The following NME7 variants were observed in gnomAD, a reference collection of about 807,000 sequenced individuals.
The protein encoded by NME7 is nucleoside diphosphate kinase 7.
Under a neutral mutation model 49.1 loss-of-function variants are expected in NME7, and 41 were observed. That is an observed-to-expected ratio of 0.83 (90% CI 0.65 to 1.08). NME7 has a LOEUF of 1.08. NME7 is among the 50% of genes least tolerant of loss of function. The pLI is 0.00. For synonymous variants in NME7, 139 were observed against 150.6 expected, an observed-to-expected ratio of 0.92 and a Z score of 0.56; for missense variants, 423 against 463.4, an observed-to-expected ratio of 0.91 and a Z score of 0.80.
intron 1 of NME7, among the ~76,000 whole-genome samples, chr1:169,337,041 T>C (rs1050733395): frequency 1.2e-4 from 19 of 152,196 alleles, no homozygotes; most frequent in Non-Finnish European, 2.2e-4. Flanking sequence ...GGGCTGCAGG[T>C]GGAGCTGCCT....
At chr1:169,278,943 G>C (rs1394952234) in intron 7 of NME7, among the ~76,000 whole-genome samples, 1 of 152,142 alleles carries the variant, frequency 6.6e-6, no homozygotes, top group Non-Finnish European at 1.5e-5. Flanking sequence ...GTTTGCTAGA[G>C]GTCCACTCCA....
At chr1:169,230,694 A>G (rs777332833) in intron 10 of NME7, 24 bp downstream of exon 10, 1 of 1,513,110 alleles carries the variant, frequency 6.6e-7, no homozygotes. Flanking sequence ...ACAAACTAGG[A>G]TAATATTTTA....
intron 10 of NME7, among the ~76,000 whole-genome samples, chr1:169,218,010 G>A (rs1661019705): frequency 6.6e-6 from 1 of 152,012 alleles, no homozygotes; most frequent in Non-Finnish European, 1.5e-5. Flanking sequence ...TAAGTTTTGG[G>A]ATATAGAGGA....
chr1:169,191,987 C>T (rs1660243363), intron 10 of NME7, among the ~76,000 whole-genome samples: 2 of 152,112 alleles, frequency 1.3e-5, no homozygotes, highest in Non-Finnish European at 1.5e-5. Context: ...TCACAATTTT[C>T]AATTCAACAA....
intron 11 of NME7, among the ~76,000 whole-genome samples, chr1:169,136,575 A>G (rs1229634814): frequency 6.6e-6 from 1 of 152,204 alleles, no homozygotes; most frequent in African/African-American, 2.4e-5. Flanking sequence ...TTGTACTTCT[A>G]AACGTCTTAC....
intron 7 of NME7, chr1:169,284,813 C>T (rs1650207326): frequency 6.6e-6 from 1 of 151,978 alleles, no homozygotes; most frequent in Non-Finnish European, 1.5e-5. Context: ...GCTATCAGTT[C>T]TCCCAGCTAT....
intron 9 of NME7, among the ~76,000 whole-genome samples, chr1:169,233,151 T>C (rs541102718): frequency 5.2e-4 from 79 of 152,086 alleles, no homozygotes; most frequent in African/African-American, 1.7e-3. Flanking sequence ...GTTGGGTTTA[T>C]AGCATATATA....
chr1:169,132,547 C>G lies in NME7; in HGVS notation c.*238G>C. Reference sequence around the variant, plus strand: ...CAAAGTCACTTGTTTGAAAATAAATCTTTATTTTGAACTTTATAAAAAGCA... The same window carrying G: ...CAAAGTCACTTGTTTGAAAATAAATGTTTATTTTGAACTTTATAAAAAGCA... On this transcript the variant is annotated 3_prime_UTR_variant, in exon 12 of 12. Transcript: ENST00000367811. 2.3e-6 allele frequency: 1 copy of G among 430,518 alleles called. No homozygotes were observed. The highest frequency in any genetic ancestry group is 7.8e-5 in the South Asian group (1 of 12,794). The allele number at this position is 430,518 out of a possible 1,614,324, so 26.7% of individuals were successfully genotyped here.
intron 6 of NME7, among the ~76,000 whole-genome samples, chr1:169,292,901 T>C (rs992523612): frequency 2.6e-5 from 4 of 152,160 alleles, no homozygotes; most frequent in African/African-American, 9.6e-5. Context: ...GATCTTTTGC[T>C]GATTCTATTA....
At chr1:169,164,582 C>T (rs543432943) in intron 11 of NME7, among the ~76,000 whole-genome samples, 1 of 152,248 alleles carries the variant, frequency 6.6e-6, no homozygotes, top group South Asian at 2.1e-4. Flanking sequence ...TTGGCTACAC[C>T]ACTATAGTAT....
chr1:169,198,674 A>G (rs1660458589), intron 10 of NME7, among the ~76,000 whole-genome samples: 1 of 152,174 alleles, frequency 6.6e-6, no homozygotes, highest in Non-Finnish European at 1.5e-5. Context: ...CTATAGAGAT[A>G]GAAAGTAGAT....
At chr1:169,281,409 T>C (rs1650007046) in intron 7 of NME7, among the ~76,000 whole-genome samples, 1 of 152,238 alleles carries the variant, frequency 6.6e-6, no homozygotes, top group African/African-American at 2.4e-5. Flanking sequence ...CAGAGACAAT[T>C]TGACTTCTTC....
At chr1:169,298,002 C>T (rs542839967) in intron 6 of NME7, among the ~76,000 whole-genome samples, 2 of 152,114 alleles carry the variant, frequency 1.3e-5, no homozygotes, top group Non-Finnish European at 2.9e-5. Context: ...TTAAAAACTA[C>T]CTTAAGTGAG....
In NME7 at chr1:169,235,208, A is replaced by C; in HGVS notation, c.820-9T>G. On this transcript the variant is annotated splice_polypyrimidine_tract_variant and intron_variant, in intron 8 of 11. Coordinates refer to ENST00000367811, the MANE Select transcript of NME7 (RefSeq NM_013330.5). Reference sequence around the variant, plus strand: ...ACCCGATCCATATTGAACTATATTAAAAAATAAAACAAAACAAAACCATAA... The same window carrying C: ...ACCCGATCCATATTGAACTATATTACAAAATAAAACAAAACAAAACCATAA... 6.7e-7 allele frequency: 1 copy of C among 1,481,852 alleles called. No individual in the cohort carries two copies. Among genetic ancestry groups the C allele is most frequent in the Non-Finnish European group, 9.2e-7 (1 of 1,086,362 alleles). The allele number at this position is 1,481,852 out of a possible 1,614,324, so 91.8% of individuals were successfully genotyped here.
chr1:169,192,847 T>A (rs1345838221), intron 10 of NME7, among the ~76,000 whole-genome samples: 2 of 152,190 alleles, frequency 1.3e-5, no homozygotes, highest in African/African-American at 2.4e-5. Context: ...TTTAAACAAA[T>A]ATATTAAATT....
chr1:169,217,985 T>C (rs761494390), intron 10 of NME7, among the ~76,000 whole-genome samples: 1 of 152,136 alleles, frequency 6.6e-6, no homozygotes, highest in African/African-American at 2.4e-5. Flanking sequence ...AGCTTTAATA[T>C]GTACTAAATT....
intron 7 of NME7, among the ~76,000 whole-genome samples, chr1:169,268,181 G>A (rs1265981229): frequency 2.3e-5 from 3 of 133,020 alleles, no homozygotes; most frequent in Non-Finnish European, 5.3e-5. Context: ...CAACAACCAT[G>A]AAAAAAAGCT....
chr1:169,337,002 G>C (rs961205755), intron 1 of NME7, among the ~76,000 whole-genome samples: 4 of 152,254 alleles, frequency 2.6e-5, no homozygotes, highest in African/African-American at 9.6e-5. Context: ...CAGGAACCCA[G>C]CTGGCTTCAC....
intron 10 of NME7, among the ~76,000 whole-genome samples, chr1:169,179,676 G>T (rs972570274): frequency 6.6e-6 from 1 of 152,170 alleles, no homozygotes; most frequent in African/African-American, 2.4e-5. Context: ...GGAGCTGGAG[G>T]CCATTATCCT....
Sources: allele counts gnomAD v4.1 joint callset (sites outside exome capture counted in the v4.1 genomes callset), GRCh38; gene constraint gnomAD v4.1.1; transcripts MANE v1.5; gene names NCBI Gene and HGNC (gene_info 2026-07-23, HGNC 2026-07-21).